Variants in ASPSCR1 observed in about 807,000 individuals in gnomAD.
The protein encoded by ASPSCR1 is tether containing UBX domain for GLUT4.
ASPSCR1 carries 55 observed loss-of-function variants against 68.9 expected under a neutral mutation model. That is an observed-to-expected ratio of 0.80 (90% CI 0.64 to 1.00). The LOEUF is 1.00. Ranked by LOEUF, ASPSCR1 falls within the 50% of genes least tolerant of loss-of-function variation. The probability of loss-of-function intolerance (pLI) is 0.00; values close to 1 mark genes in which losing one functional copy is unlikely to be tolerated. For missense variants in ASPSCR1, 765 were observed against 762.2 expected (o/e 1.00, Z -0.04); for synonymous variants, 352 against 332.6 (o/e 1.06, Z -0.63).
rs2042450224 is a variant in ASPSCR1, at chr17:81,999,224, C to T, written c.933+2378C>T. ...CCTGTGTCCCCTGAGGGCCAGGCTGCCAGCTGCCAGCCACAGCCCAGGGGC... is the reference window on the plus strand; with the variant it reads ...CCTGTGTCCCCTGAGGGCCAGGCTGTCAGCTGCCAGCCACAGCCCAGGGGC... On this transcript the variant is annotated intron_variant, in intron 7 of 15. Transcript: ENST00000306739. The surrounding 1 kb of genome is among the most constrained non-coding windows in gnomAD (Gnocchi z 4.4). 6.6e-6 allele frequency among the ~76,000 whole-genome samples: 1 copy of T among 152,234 alleles called. No homozygotes were observed. Among genetic ancestry groups the T allele is most frequent in the Non-Finnish European group, 1.5e-5 (1 of 68,040 alleles).
At chr17:81,994,904 AG>A in intron 5 of ASPSCR1, 26 bp downstream of exon 5, 1 of 1,598,000 alleles carries the variant, frequency 6.3e-7, no homozygotes, top group Non-Finnish European at 8.5e-7. Context: ...TTGCTCACCC[AG>A]TCCCCGCTCA....
At position 81,983,713 on chromosome 17, in the gene ASPSCR1, C is replaced by T. The variant is rs375399436; in HGVS notation, c.273+45C>T. On this transcript the variant is annotated intron_variant, in intron 3 of 15. Transcript: ENST00000306739. This position sits in a 1 kb window ranked among gnomAD's most constrained non-coding sequence, Gnocchi z 4.4. ...AGGCTGACTGTGTGGGGCACAGGAT[C>T]GTTCAGCTGGCCAGGGACGGGGGAC... The T allele has an allele frequency of 6.3e-5, 94 of 1,495,584 alleles. No individual in the cohort carries two copies. Among genetic ancestry groups the T allele is most frequent in the African/African-American group, 5.8e-4 (42 of 71,980 alleles). 92.6% of individuals were successfully genotyped at this position (1,495,584 alleles called of 1,614,324 possible). A position where few individuals can be genotyped will look rare whatever the true frequency, so the allele number is the denominator to read the frequency against.
In ASPSCR1 at chr17:82,014,385, C is replaced by T. The variant is rs773890482; in HGVS notation, c.1354-2091C>T. ...TGGTCTTGCAGAAGGCAGGATGGCT[C>T]CTGCAGCCCCCACTCCCGCTCTGTG... On this transcript the variant is annotated intron_variant, in intron 12 of 15. Transcript: ENST00000306739. 420 of 153,070 alleles carry T rather than the reference C, an allele frequency of 2.7e-3. 7 individuals carry two copies. Among genetic ancestry groups the T allele is most frequent in the Non-Finnish European group, 7.9e-4 (54 of 68,686 alleles). 9.5% of individuals were successfully genotyped at this position (153,070 alleles called of 1,614,324 possible). A position where few individuals can be genotyped will look rare whatever the true frequency, so the allele number is the denominator to read the frequency against.
chr17:81,979,920 T>C (rs1231650116), intron 2 of ASPSCR1, among the ~76,000 whole-genome samples: 5 of 152,220 alleles, frequency 3.3e-5, no homozygotes, highest in Admixed American at 3.3e-4. Flanking sequence ...ATGGATAGGA[T>C]GTGCGTGTCT....
rs2042142697 is a variant in ASPSCR1, at chr17:81,990,971, C to A, written c.375-3850C>A. ...CCACGTCCCGTAAGGACCTAGTTGC[C>A]AAGTGGTGAAAGGCAGGGGTGTGGA... On this transcript the variant is annotated intron_variant, in intron 4 of 15. Transcript: ENST00000306739. This position sits in a 1 kb window ranked among gnomAD's most constrained non-coding sequence, Gnocchi z 4.1. Among the ~76,000 whole-genome samples, 1 of 152,048 alleles carries A rather than the reference C, an allele frequency of 6.6e-6. No homozygotes were observed. Among genetic ancestry groups the A allele is most frequent in the African/African-American group, 2.4e-5 (1 of 41,390 alleles).
rs148225721 is a variant in ASPSCR1 at position 82,017,028 on chromosome 17, G to T, written c.1563G>T (p.Ala521=). Residue 521 remains alanine (A), a synonymous_variant, in exon 15 of 16, where the codon GCG becomes GCT. Coordinates refer to ENST00000306739, the MANE Select transcript of ASPSCR1 (RefSeq NM_024083.4). ...PKSEPAAEEG[A]LVPPEPIPGT... ...CTGAGCCAGCTGCTGAGGAGGGGGC[G>T]CTGGTCCCCCCTGAGCCCATCCCAG... The T allele has an allele frequency of 5.6e-6, 9 of 1,612,292 alleles. No individual in the cohort carries two copies. The highest frequency in any genetic ancestry group is 6.8e-6 in the Non-Finnish European group (8 of 1,179,866).
At chr17:81,998,326 G>A (rs1037800031) in intron 7 of ASPSCR1, among the ~76,000 whole-genome samples, 3 of 152,016 alleles carry the variant, frequency 2.0e-5, no homozygotes, top group African/African-American at 7.3e-5. Flanking sequence ...TTACATCTTT[G>A]ACTGGCTGAC....
chr17:81,980,576 C>T (rs1281674010), intron 2 of ASPSCR1, among the ~76,000 whole-genome samples: 3 of 152,200 alleles, frequency 2.0e-5, no homozygotes, highest in South Asian at 2.1e-4. Flanking sequence ...GAAAGGAGGG[C>T]TTTATTTCTC....
At position 81,986,712 on chromosome 17, in the gene ASPSCR1, G is replaced by A. The variant is rs1348109252; in HGVS notation, c.374+1105G>A. Among the ~76,000 whole-genome samples, 2 of 127,412 alleles carry A rather than the reference G, an allele frequency of 1.6e-5. No homozygotes were observed. Among genetic ancestry groups the A allele is most frequent in the East Asian group, 2.1e-4 (1 of 4,744 alleles). 83.6% of individuals were successfully genotyped at this position (127,412 alleles called of 152,430 possible). On this transcript the variant is annotated intron_variant, in intron 4 of 15. Transcript: ENST00000306739. The surrounding 1 kb of genome is among the most constrained non-coding windows in gnomAD (Gnocchi z 5.2). ...GGGGTGAGTTCATGTCTTGAGGACCGAGCATAGGGCCTGTGGGAAGGTGAC... is the reference window on the plus strand; with the variant it reads ...GGGGTGAGTTCATGTCTTGAGGACCAAGCATAGGGCCTGTGGGAAGGTGAC...
At chr17:82,011,078 G>A (rs192134974) in intron 10 of ASPSCR1, among the ~76,000 whole-genome samples, 38 of 152,300 alleles carry the variant, frequency 2.5e-4, no homozygotes, top group Non-Finnish European at 3.7e-4. Context: ...CCAGGTGCCC[G>A]GCCCCAGCTC....
rs2041863611 is a variant in ASPSCR1, at chr17:81,983,487, C to CGGGGCGTGGATGGT, written c.159-54_159-53insTGGGGCGTGGATGG. On this transcript the variant is annotated intron_variant, in intron 2 of 15. Transcript: ENST00000306739. This position sits in a 1 kb window ranked among gnomAD's most constrained non-coding sequence, Gnocchi z 4.4. ...GGCGTGGATGGTGGGACGGGGATGG[C>CGGGGCGTGGATGGT]GGGGCGTGGATGGCAGGGCGTGTCA... is the stretch of plus-strand genomic sequence containing the variant. 3 of 1,313,664 alleles carry CGGGGCGTGGATGGT rather than the reference C, an allele frequency of 2.3e-6. No individual in the cohort carries two copies. Among genetic ancestry groups the CGGGGCGTGGATGGT allele is most frequent in the Non-Finnish European group, 3.2e-6 (3 of 934,138 alleles). The allele number at this position is 1,313,664 out of a possible 1,614,324, so 81.4% of individuals were successfully genotyped here.
intron 4 of ASPSCR1, among the ~76,000 whole-genome samples, chr17:81,992,941 G>A (rs2042219455): frequency 6.6e-6 from 1 of 152,242 alleles, no homozygotes; most frequent in Non-Finnish European, 1.5e-5. Context: ...GACCCAGGGA[G>A]ACCATGGGGC....
intron 4 of ASPSCR1, among the ~76,000 whole-genome samples, chr17:81,989,880 C>T (rs1010962971): frequency 6.6e-6 from 1 of 152,218 alleles, no homozygotes; most frequent in Non-Finnish European, 1.5e-5. Context: ...CTCCGCCTCC[C>T]GGGTTCAAGC....
At position 81,980,860 on chromosome 17, in the gene ASPSCR1, G is replaced by A. The variant is rs1298725440; in HGVS notation, c.158+1621G>A. ...GCATGACCTGAGGGTGGAATTTTTG[G>A]CCTCTGAAGTCAGAGGTGAAGCAGG... is the stretch of plus-strand genomic sequence containing the variant. On this transcript the variant is annotated intron_variant, in intron 2 of 15. Coordinates refer to ENST00000306739, the MANE Select transcript of ASPSCR1 (RefSeq NM_024083.4). Among the ~76,000 whole-genome samples the A allele has an allele frequency of 5.9e-5, 9 of 152,266 alleles. No individual in the cohort carries two copies. In the South Asian group the frequency reaches 1.5e-3, roughly 25 times the overall value.
At chr17:82,013,905 C>G (rs1320118696) in intron 12 of ASPSCR1, 2 of 152,284 alleles carry the variant, frequency 1.3e-5, no homozygotes, top group South Asian at 4.1e-4. Context: ...CTTCTGTGTG[C>G]GGTCCGCGTC....
chr17:81,995,464 C>T (rs1391363786), intron 5 of ASPSCR1: 2 of 228,992 alleles, frequency 8.7e-6, no homozygotes, highest in African/African-American at 4.6e-5. Flanking sequence ...CTGTGGCCCT[C>T]AGGGACCCTT....
At chr17:82,003,830 C>T (rs2042616852) in intron 7 of ASPSCR1, among the ~76,000 whole-genome samples, 1 of 152,266 alleles carries the variant, frequency 6.6e-6, no homozygotes. Flanking sequence ...CCACGTGCTC[C>T]GCCGCCTGCC....
chr17:82,016,870 G>C lies in ASPSCR1; in HGVS notation c.1475+1G>C. On this transcript the variant is annotated splice_donor_variant, in intron 14 of 15. Transcript: ENST00000306739. LOFTEE classifies it high-confidence loss of function. ...CTGCGGCCGATGTGCTGGTGGCCAG[G>C]TAAGTGCCGGTGGGTCTGGGGGCAC... The C allele has an allele frequency of 6.2e-7, 1 of 1,612,524 alleles. No homozygotes were observed. Among genetic ancestry groups the C allele is most frequent in the Non-Finnish European group, 8.5e-7 (1 of 1,179,946 alleles).
chr17:81,996,571 A>T lies in ASPSCR1; in HGVS notation c.658A>T (p.Thr220Ser). The T allele has an allele frequency of 6.2e-7, 1 of 1,611,386 alleles. No homozygotes were observed. ...GDLSRPEDAD[T>S]SGPCCEHTQE... is the part of the protein sequence containing the mutation. ...CTTGAGCCGTCCGGAGGACGCGGACACCTCAGGGCCCTGCTGCGAGCACAC... is the reference window on the plus strand; with the variant it reads ...CTTGAGCCGTCCGGAGGACGCGGACTCCTCAGGGCCCTGCTGCGAGCACAC... Residue 220 changes from threonine (T) to serine (S), a missense_variant, in exon 7 of 16, where the codon ACC (threonine) becomes TCC (serine). Physicochemically the swap from Thr to Ser is moderately conservative, Grantham distance 58. Coordinates refer to ENST00000306739, the MANE Select transcript of ASPSCR1 (RefSeq NM_024083.4).
Sources: allele counts gnomAD v4.1 joint callset (sites outside exome capture counted in the v4.1 genomes callset), GRCh38; gene constraint gnomAD v4.1.1; non-coding constraint Gnocchi (gnomAD v3.1); transcripts MANE v1.5; gene names NCBI Gene and HGNC (gene_info 2026-07-23, HGNC 2026-07-21).